The following MAPK8 variants were observed in gnomAD, a reference collection of about 807,000 sequenced individuals.
MAPK8 encodes JUN N-terminal kinase.
A neutral mutation model predicts 52.9 loss-of-function variants in MAPK8; 13 were observed. The ratio of observed to expected loss-of-function variants is 0.25; its 90% CI spans 0.16 to 0.39. The LOEUF (loss-of-function observed/expected upper bound fraction) is 0.39, where lower values mean the gene tolerates loss of function less well. Ranked by LOEUF, MAPK8 falls within the 10% of genes least tolerant of loss-of-function variation. The pLI is 1.00. For synonymous variants in MAPK8, 191 were observed against 169.8 expected (o/e 1.12, Z -0.97); for missense variants, 300 against 519.2 (o/e 0.58, Z 4.10).
intron 1 of MAPK8, among the ~76,000 whole-genome samples, chr10:48,363,388 C>A (rs1847735398): frequency 6.6e-6 from 1 of 152,106 alleles, no homozygotes; most frequent in South Asian, 2.1e-4. Flanking sequence ...GGCAAGAAAT[C>A]TTTCTTATTT....
At chr10:48,321,089 GTTT>G (rs34616108) in intron 1 of MAPK8, among the ~76,000 whole-genome samples, 2 of 94,020 alleles carry the variant, frequency 2.1e-5, no homozygotes, top group Admixed American at 1.2e-4. Context: ...CGTTGTAAGA[GTTT>G]TTTTTTTTTT....
intron 1 of MAPK8, among the ~76,000 whole-genome samples, chr10:48,394,468 A>G (rs75730792): frequency 1.1e-3 from 169 of 152,030 alleles, no homozygotes; most frequent in African/African-American, 3.2e-3. Context: ...AATTAGCCAT[A>G]TGAACCAACT....
At chr10:48,377,454 T>TC (rs2040740204) in intron 1 of MAPK8, among the ~76,000 whole-genome samples, 1 of 152,212 alleles carries the variant, frequency 6.6e-6, no homozygotes, top group African/African-American at 2.4e-5. Context: ...ATTGAACCCT[T>TC]CAACTTTTAG....
chr10:48,419,259 TG>T (rs1270237118), intron 5 of MAPK8, among the ~76,000 whole-genome samples: 1 of 152,240 alleles, frequency 6.6e-6, no homozygotes, highest in Non-Finnish European at 1.5e-5. Context: ...TTTCCTTTTT[TG>T]TATTAATCGG....
chr10:48,313,016 ATT>A (rs1842121117), intron 1 of MAPK8, among the ~76,000 whole-genome samples: 1 of 152,200 alleles, frequency 6.6e-6, no homozygotes, highest in South Asian at 2.1e-4. Context: ...GTCCAGATGT[ATT>A]TTAGAATGAA....
intron 6 of MAPK8, among the ~76,000 whole-genome samples, chr10:48,421,355 T>G (rs2043343667): frequency 1.3e-5 from 2 of 152,224 alleles, no homozygotes; most frequent in Non-Finnish European, 2.9e-5. Flanking sequence ...TTTTATTTTT[T>G]GGGAATTGAT....
chr10:48,381,917 C>A (rs188343479), intron 1 of MAPK8, among the ~76,000 whole-genome samples: 2 of 152,140 alleles, frequency 1.3e-5, no homozygotes, highest in African/African-American at 4.8e-5. Flanking sequence ...ACCCACGTGG[C>A]ACCCAAGTAT....
chr10:48,345,897 C>T (rs1196264923), intron 1 of MAPK8, among the ~76,000 whole-genome samples: 2 of 152,136 alleles, frequency 1.3e-5, no homozygotes, highest in African/African-American at 4.8e-5. Flanking sequence ...AGAAAATAAC[C>T]ACTTCAGCCA....
chr10:48,416,536 C>G (rs1216500294), intron 5 of MAPK8, among the ~76,000 whole-genome samples: 1 of 152,148 alleles, frequency 6.6e-6, no homozygotes, highest in Non-Finnish European at 1.5e-5. Flanking sequence ...AGACATTTAT[C>G]AAATCCAGGC....
At position 48,426,319 on chromosome 10, in the gene MAPK8, A is replaced by C. The variant is rs143990051; in HGVS notation, c.872-61A>C. On this transcript the variant is annotated intron_variant, in intron 8 of 11. Transcript: ENST00000374189. ...TTTTAAAAAATCTCAAATTGCTGAAAGTTATTAATAATTTGAGAATCTTTA... is the reference window on the plus strand; with the variant it reads ...TTTTAAAAAATCTCAAATTGCTGAACGTTATTAATAATTTGAGAATCTTTA... 4.2e-5 allele frequency: 61 copies of C among 1,445,368 alleles called. No homozygotes were observed. The African/African-American group carries it at 8.3e-4, about 20-fold the overall frequency. 89.5% of individuals were successfully genotyped at this position (1,445,368 alleles called of 1,614,324 possible).
intron 1 of MAPK8, among the ~76,000 whole-genome samples, chr10:48,317,476 C>CTT (rs1202171951): frequency 6.6e-6 from 1 of 152,174 alleles, no homozygotes; most frequent in African/African-American, 2.4e-5. Flanking sequence ...GAATGAAACA[C>CTT]TTTGAAAAAG....
chr10:48,324,489 T>G (rs889381122), intron 1 of MAPK8, among the ~76,000 whole-genome samples: 2 of 145,548 alleles, frequency 1.4e-5, no homozygotes, highest in Non-Finnish European at 3.0e-5. Flanking sequence ...ATACAACAGT[T>G]GTCCTGTTTT....
At chr10:48,354,389 A>T (rs578208058) in intron 1 of MAPK8, among the ~76,000 whole-genome samples, 33 of 152,322 alleles carry the variant, frequency 2.2e-4, no homozygotes, top group African/African-American at 7.5e-4. Context: ...GATGAATCTG[A>T]TACGTTCTTC....
chr10:48,307,250 G>A (rs902455455), intron 1 of MAPK8: 1 of 152,348 alleles, frequency 6.6e-6, no homozygotes, highest in Non-Finnish European at 1.5e-5. Flanking sequence ...GCCGGGGAGA[G>A]CGCTTCTGCC....
At chr10:48,316,185 T>C (rs1287283718) in intron 1 of MAPK8, among the ~76,000 whole-genome samples, 1 of 152,232 alleles carries the variant, frequency 6.6e-6, no homozygotes, top group Non-Finnish European at 1.5e-5. Flanking sequence ...ACAGACCACA[T>C]ATGTGACAGT....
chr10:48,358,904 C>G (rs1760032798), intron 1 of MAPK8, among the ~76,000 whole-genome samples: 1 of 152,078 alleles, frequency 6.6e-6, no homozygotes, highest in Admixed American at 6.5e-5. Flanking sequence ...TGTCAGAAAT[C>G]GATGACCATT....
At chr10:48,314,166 A>G (rs1399875065) in intron 1 of MAPK8, among the ~76,000 whole-genome samples, 1 of 152,210 alleles carries the variant, frequency 6.6e-6, no homozygotes, top group Admixed American at 6.5e-5. Context: ...AGATTAGGCT[A>G]CTTAGTCAAT....
chr10:48,413,787 T>A (rs974194075), intron 5 of MAPK8, among the ~76,000 whole-genome samples: 1 of 129,544 alleles, frequency 7.7e-6, no homozygotes. Context: ...ATTACCAAGT[T>A]ACCAAAATTG....
At chr10:48,367,656 A>G (rs182364794) in intron 1 of MAPK8, among the ~76,000 whole-genome samples, 347 of 152,284 alleles carry the variant, frequency 2.3e-3, no homozygotes, top group Non-Finnish European at 4.0e-3. Flanking sequence ...TTATCTTTGC[A>G]TAATCTGTAA....
Sources: gnomAD v4.1 joint callset for allele counts (sites outside exome capture counted in the v4.1 genomes callset) on GRCh38, gnomAD v4.1.1 for gene constraint, MANE v1.5 for transcripts, NCBI Gene and HGNC (gene_info 2026-07-23, HGNC 2026-07-21) for gene names.